Variants in IL1RAPL1 observed in about 807,000 individuals in gnomAD.
IL1RAPL1 encodes the protein interleukin-1 receptor accessory protein-like 1.
IL1RAPL1 carries 3 observed loss-of-function variants against 48.4 expected under a neutral mutation model. The observed-to-expected ratio is 0.06, with a 90% CI of 0.03 to 0.16. IL1RAPL1 has a LOEUF of 0.16. Among genes scored for constraint, IL1RAPL1 ranks in the 10% least tolerant of loss-of-function variants. IL1RAPL1 has a pLI of 1.00. For missense variants in IL1RAPL1, 349 were observed against 530.6 expected (o/e 0.66, Z 3.36); for synonymous variants, 185 against 187.7 (o/e 0.99, Z 0.12).
intron 2 of IL1RAPL1, among the ~76,000 whole-genome samples, chrX:29,030,972 T>G (rs944769131): frequency 1.8e-5 from 2 of 111,724 alleles, no homozygotes; most frequent in African/African-American, 6.5e-5. Flanking sequence ...TAAATGAGAG[T>G]TTTTAAAATG....
chrX:29,504,315 TG>T (rs1935306212), intron 5 of IL1RAPL1, among the ~76,000 whole-genome samples: 1 of 111,733 alleles, frequency 8.9e-6, no homozygotes, highest in African/African-American at 3.3e-5. Flanking sequence ...TGGTAACAGT[TG>T]GGTGAAATAA....
intron 1 of IL1RAPL1, among the ~76,000 whole-genome samples, chrX:28,775,811 G>A (rs771444690): frequency 7.7e-4 from 86 of 111,579 alleles, no homozygotes; most frequent in African/African-American, 2.6e-3. Context: ...TGTTCTTATG[G>A]CCTTTCCATA....
intron 2 of IL1RAPL1, among the ~76,000 whole-genome samples, chrX:28,811,506 G>A (rs1936793379): frequency 9.0e-6 from 1 of 110,635 alleles, no homozygotes; most frequent in African/African-American, 3.3e-5. Context: ...GTTGAATGAA[G>A]ATGTGCTCTG....
At chrX:28,646,797 A>G (rs1205505489) in intron 1 of IL1RAPL1, among the ~76,000 whole-genome samples, 1 of 112,462 alleles carries the variant, frequency 8.9e-6, no homozygotes, top group East Asian at 2.8e-4. Flanking sequence ...CTTTCATTCC[A>G]TAATTTTTAT....
chrX:29,703,723 G>A (rs746775537), intron 6 of IL1RAPL1, among the ~76,000 whole-genome samples: 3 of 112,122 alleles, frequency 2.7e-5, no homozygotes, highest in Non-Finnish European at 5.6e-5. Flanking sequence ...ATACTTGCTT[G>A]TAGATAAAAC....
intron 6 of IL1RAPL1, among the ~76,000 whole-genome samples, chrX:29,700,873 T>A (rs756361227): frequency 1.8e-5 from 2 of 112,185 alleles, no homozygotes; most frequent in South Asian, 3.7e-4. Flanking sequence ...CTTTATTTTT[T>A]AAAATAGCTG....
At chrX:29,305,973 T>A (rs944695158) in intron 3 of IL1RAPL1, among the ~76,000 whole-genome samples, 1 of 112,070 alleles carries the variant, frequency 8.9e-6, no homozygotes, top group Non-Finnish European at 1.9e-5. Flanking sequence ...TGGCATTGAT[T>A]TGTTAAACTA....
At chrX:29,904,753 TTC>T (rs1475320178) in intron 6 of IL1RAPL1, among the ~76,000 whole-genome samples, 1 of 112,034 alleles carries the variant, frequency 8.9e-6, no homozygotes, top group Non-Finnish European at 1.9e-5. Context: ...GTGCCACATT[TTC>T]TTTTTCCAGT....
intron 2 of IL1RAPL1, among the ~76,000 whole-genome samples, chrX:29,082,932 A>G (rs906383929): frequency 1.3e-4 from 14 of 111,842 alleles, no homozygotes; most frequent in African/African-American, 3.6e-4. Flanking sequence ...TTTTCTTTAC[A>G]TTTTTGACTA....
At chrX:28,590,316 A>T (rs187037347) in intron 1 of IL1RAPL1, among the ~76,000 whole-genome samples, 24 of 111,629 alleles carry the variant, frequency 2.1e-4, no homozygotes, top group Admixed American at 5.8e-4. Context: ...CTTTTCTGTC[A>T]GGGAGATGAG....
intron 1 of IL1RAPL1, among the ~76,000 whole-genome samples, chrX:28,723,249 T>TCAATCAAATCAAAAA (rs1213308136): frequency 9.0e-6 from 1 of 111,036 alleles, no homozygotes; most frequent in Non-Finnish European, 1.9e-5. Context: ...GGTAGGCTAT[T>TCAATCAAATCAAAAA]AATTATTGCC....
chrX:28,738,340 C>A (rs1330167162), intron 1 of IL1RAPL1, among the ~76,000 whole-genome samples: 1 of 111,793 alleles, frequency 8.9e-6, no homozygotes, highest in African/African-American at 3.3e-5. Context: ...TTATTATGGG[C>A]CATGCACTGA....
intron 5 of IL1RAPL1, among the ~76,000 whole-genome samples, chrX:29,486,612 C>CAAAAAAAA (rs768358495): frequency 2.4e-5 from 1 of 40,915 alleles, no homozygotes; most frequent in Non-Finnish European, 4.1e-5. Flanking sequence ...AAGTGCTATA[C>CAAAAAAAA]AAAAAAAAAA....
chrX:29,628,434 G>C (rs1052939697), intron 5 of IL1RAPL1, among the ~76,000 whole-genome samples: 1 of 111,650 alleles, frequency 9.0e-6, no homozygotes, highest in Non-Finnish European at 1.9e-5. Flanking sequence ...CTGATGCATA[G>C]GGTGCCCTTG....
At chrX:29,252,069 A>G (rs1360617108) in intron 2 of IL1RAPL1, among the ~76,000 whole-genome samples, 2 of 34,460 alleles carry the variant, frequency 5.8e-5, no homozygotes, top group African/African-American at 1.3e-4. Context: ...GAACAATGAG[A>G]ACACGTGGAC....
At chrX:29,188,878 C>T (rs779287547) in intron 2 of IL1RAPL1, among the ~76,000 whole-genome samples, 18 of 111,299 alleles carry the variant, frequency 1.6e-4, no homozygotes, top group Admixed American at 2.9e-4. Flanking sequence ...CCACCACGCC[C>T]GCCCACTATT....
At chrX:28,831,014 CTCTCTCTCTCTCTGTGTGTG>C (rs1921031219) in intron 2 of IL1RAPL1, among the ~76,000 whole-genome samples, 1 of 63,381 alleles carries the variant, frequency 1.6e-5, no homozygotes, top group African/African-American at 7.3e-5. Flanking sequence ...CTCTCTCTCT[CTCTCTCTCTCTCTGTGTGTG>C]TGTGTGTGTG....
intron 3 of IL1RAPL1, among the ~76,000 whole-genome samples, chrX:29,370,600 C>T (rs1278814279): frequency 2.7e-5 from 3 of 110,309 alleles, no homozygotes; most frequent in Non-Finnish European, 5.7e-5. Flanking sequence ...TTTTGATTGC[C>T]CACAACCAGT....
intron 3 of IL1RAPL1, among the ~76,000 whole-genome samples, chrX:29,363,129 C>T (rs1445624829): frequency 3.6e-5 from 4 of 111,380 alleles, no homozygotes; most frequent in Middle Eastern, 4.7e-3. Context: ...GCCTGAGGTT[C>T]CCCTAAGGTC....
Sources: gnomAD v4.1 joint callset for allele counts (sites outside exome capture counted in the v4.1 genomes callset) on GRCh38, gnomAD v4.1.1 for gene constraint, MANE v1.5 for transcripts, NCBI Gene and HGNC (gene_info 2026-07-23, HGNC 2026-07-21) for gene names.